The following KIF5C variants were observed in gnomAD, a reference collection of about 807,000 sequenced individuals.
The protein encoded by KIF5C is kinesin family member 5C.
In KIF5C, 18 loss-of-function variants were observed where a neutral mutation model predicts 125.2. That is an observed-to-expected ratio of 0.14 (90% CI 0.10 to 0.21). KIF5C has a LOEUF of 0.21. KIF5C is among the 10% of genes least tolerant of loss of function. KIF5C has a pLI of 1.00. For synonymous variants in KIF5C, 405 were observed against 434.0 expected (o/e 0.93, Z 0.83); for missense variants, 780 against 1,183.8 (o/e 0.66, Z 5.01).
rs560212809 is a variant in KIF5C, at chr2:148,970,245, C to T, written c.1118-3091C>T. Among the ~76,000 whole-genome samples the T allele has an allele frequency of 3.9e-5, 6 of 152,208 alleles. No individual in the cohort carries two copies. The East Asian group carries it at 1.2e-3, about 29-fold the overall frequency. On this transcript the variant is annotated intron_variant, in intron 11 of 25. Transcript: ENST00000435030. The stretch of plus-strand genomic sequence containing the variant: ...ATGTTTTATTTTTGGAACTGAGCTC[C>T]AGCCATAAAATTATCGTAAAGATCT...
chr2:148,889,490 G>T (rs981542232), intron 1 of KIF5C, among the ~76,000 whole-genome samples: 1 of 152,164 alleles, frequency 6.6e-6, no homozygotes, highest in African/African-American at 2.4e-5. Flanking sequence ...TCCATCAATT[G>T]GTGGAGGAAT....
At chr2:148,995,779 G>A (rs1278188413) in intron 17 of KIF5C, among the ~76,000 whole-genome samples, 1 of 152,182 alleles carries the variant, frequency 6.6e-6, no homozygotes, top group Non-Finnish European at 1.5e-5. Flanking sequence ...AATACATGAA[G>A]GTGTGCAGCA....
chr2:149,009,179 A>G (rs1370194234), intron 23 of KIF5C, among the ~76,000 whole-genome samples: 3 of 151,784 alleles, frequency 2.0e-5, no homozygotes, highest in Non-Finnish European at 1.5e-5. Flanking sequence ...TTTAGTAGAG[A>G]CAAGGTTTCA....
At chr2:148,959,539 G>T (rs1682875905) in intron 10 of KIF5C, among the ~76,000 whole-genome samples, 1 of 152,070 alleles carries the variant, frequency 6.6e-6, no homozygotes, top group Non-Finnish European at 1.5e-5. Flanking sequence ...ACCTTTAGTG[G>T]ATGTGAAGGC....
intron 8 of KIF5C, 177 bp downstream of exon 8, chr2:148,947,200 T>C (rs942897066): frequency 8.2e-6 from 8 of 973,146 alleles, no homozygotes; most frequent in Non-Finnish European, 1.2e-5. Flanking sequence ...TTTCTGGTCC[T>C]GAGGTCTCCT....
chr2:148,947,759 C>G, intron 8 of KIF5C: 1 of 389,664 alleles, frequency 2.6e-6, no homozygotes, highest in Non-Finnish European at 5.2e-6. Flanking sequence ...TCTGGAGGCA[C>G]TGACCTCCCT....
chr2:148,952,744 G>T (rs983887925), intron 10 of KIF5C, among the ~76,000 whole-genome samples: 4 of 152,144 alleles, frequency 2.6e-5, no homozygotes, highest in African/African-American at 9.7e-5. Context: ...AGAATATTGG[G>T]AGGATTATAT....
intron 10 of KIF5C, among the ~76,000 whole-genome samples, chr2:148,956,366 A>G (rs1212231921): frequency 6.6e-6 from 1 of 152,230 alleles, no homozygotes; most frequent in African/African-American, 2.4e-5. Context: ...AATATATCTA[A>G]GAGAATCTTT....
intron 1 of KIF5C, among the ~76,000 whole-genome samples, chr2:148,908,683 A>C (rs780397260): frequency 2.0e-5 from 3 of 152,210 alleles, no homozygotes; most frequent in Non-Finnish European, 4.4e-5. Context: ...ACCTGCTTTT[A>C]GCAGCCAGTA....
At chr2:148,913,922 C>A (rs1280027100) in intron 1 of KIF5C, among the ~76,000 whole-genome samples, 1 of 152,000 alleles carries the variant, frequency 6.6e-6, no homozygotes, top group Non-Finnish European at 1.5e-5. Context: ...GCTGAAATAA[C>A]CATGGCAGCA....
intron 15 of KIF5C, among the ~76,000 whole-genome samples, chr2:148,986,537 AC>A (rs1681387160): frequency 6.6e-6 from 1 of 152,338 alleles, no homozygotes; most frequent in African/African-American, 2.4e-5. Context: ...TGACTTCTGC[AC>A]ATTTGTTTTA....
Position 149,015,630 on chromosome 2 carries a change from A to G in KIF5C, c.*7+3947A>G, listed in dbSNP as rs921421360. ...GAAGATGCCAATATACAAAAATCAA[A>G]AGAACCCAGGATAATGCTGGCTTTG... is the stretch of plus-strand genomic sequence containing the variant. On this transcript the variant is annotated intron_variant, in intron 25 of 25. Transcript: ENST00000435030. Among the ~76,000 whole-genome samples, 5 of 152,240 alleles carry G rather than the reference A, an allele frequency of 3.3e-5. No individual in the cohort carries two copies. In the South Asian group the frequency reaches 6.2e-4, roughly 19 times the overall value.
At chr2:148,892,193 G>T (rs967452847) in intron 1 of KIF5C, among the ~76,000 whole-genome samples, 1 of 152,178 alleles carries the variant, frequency 6.6e-6, no homozygotes, top group Non-Finnish European at 1.5e-5. Flanking sequence ...CTAAATTTTG[G>T]TTCATACCAG....
intron 1 of KIF5C, among the ~76,000 whole-genome samples, chr2:148,920,768 G>A (rs1681752255): frequency 1.3e-5 from 2 of 152,184 alleles, no homozygotes; most frequent in Non-Finnish European, 2.9e-5. Context: ...AAGGTTATAG[G>A]ATGTAACAAG....
At chr2:149,000,658 A>C in intron 20 of KIF5C, 64 bp from the exon 21 acceptor site, 1 of 1,600,806 alleles carries the variant, frequency 6.2e-7, no homozygotes, top group Non-Finnish European at 8.5e-7. Context: ...CTGTGGATGC[A>C]AATAGTATCT....
chr2:148,885,377 C>T (rs534063938), intron 1 of KIF5C, among the ~76,000 whole-genome samples: 1 of 152,348 alleles, frequency 6.6e-6, no homozygotes, highest in South Asian at 2.1e-4. Context: ...GCTCTGTGGC[C>T]TTCTCCCTGC....
At chr2:148,927,590 C>T (rs1348648317) in intron 2 of KIF5C, among the ~76,000 whole-genome samples, 2 of 152,188 alleles carry the variant, frequency 1.3e-5, no homozygotes, top group African/African-American at 4.8e-5. Flanking sequence ...AGCCAGCATT[C>T]CAATAGGCTG....
In KIF5C at chr2:148,985,858, A is replaced by G. The variant is rs545504891; in HGVS notation, c.1716+2092A>G. ...AGAGTACATGACCGCTCGTAAATGT[A>G]ACCATTCTTTCATGGAACCTTTATT... On this transcript the variant is annotated intron_variant, in intron 15 of 25. Transcript: ENST00000435030. Among the ~76,000 whole-genome samples, 10 of 152,348 alleles carry G rather than the reference A, an allele frequency of 6.6e-5. No homozygotes were observed. In the South Asian group the frequency reaches 2.1e-3, roughly 32 times the overall value.
At chr2:148,953,264 G>A (rs1006540241) in intron 10 of KIF5C, among the ~76,000 whole-genome samples, 3 of 152,184 alleles carry the variant, frequency 2.0e-5, no homozygotes, top group African/African-American at 7.2e-5. Context: ...ATTGTGTAAG[G>A]TTACTTGGAA....
Sources: gnomAD v4.1 joint callset for allele counts (sites outside exome capture counted in the v4.1 genomes callset) on GRCh38, gnomAD v4.1.1 for gene constraint, MANE v1.5 for transcripts, NCBI Gene and HGNC (gene_info 2026-07-23, HGNC 2026-07-21) for gene names.